Variants in HS3ST4 observed in about 807,000 individuals in gnomAD.
The protein encoded by HS3ST4 is heparan sulfate-glucosamine 3-sulfotransferase 4, also known as heparan sulfate glucosamine 3-O-sulfotransferase 4.
A neutral mutation model predicts 29.2 loss-of-function variants in HS3ST4; 17 were observed. The ratio of observed to expected loss-of-function variants is 0.58; its 90% confidence interval spans 0.40 to 0.87. The LOEUF (loss-of-function observed/expected upper bound fraction) is 0.87. Among genes scored for constraint, HS3ST4 ranks in the 40% least tolerant of loss-of-function variants. The probability of loss-of-function intolerance (pLI) is 0.00; values close to 1 mark genes in which losing one functional copy is unlikely to be tolerated. For synonymous variants in HS3ST4, 314 were observed against 285.7 expected (o/e 1.10, Z -1.00); for missense variants, 627 against 634.5 (o/e 0.99, Z 0.13).
At chr16:25,942,988 C>T (rs111585851) in intron 1 of HS3ST4, among the ~76,000 whole-genome samples, 229 of 152,230 alleles carry the variant, frequency 1.5e-3, no homozygotes, top group Middle Eastern at 3.4e-3. Context: ...TATCTTAAAA[C>T]GTTAATAAAC....
intron 1 of HS3ST4, among the ~76,000 whole-genome samples, chr16:26,053,728 T>A (rs1898373696): frequency 6.6e-6 from 1 of 152,176 alleles, no homozygotes; most frequent in South Asian, 2.1e-4. Flanking sequence ...CCAATATATA[T>A]ATAAAAAATA....
intron 1 of HS3ST4, among the ~76,000 whole-genome samples, chr16:25,909,965 A>G (rs1232426326): frequency 6.6e-6 from 1 of 152,180 alleles, no homozygotes; most frequent in East Asian, 1.9e-4. Context: ...TCCTGGGCCA[A>G]AGTGATCCTC....
chr16:26,120,953 A>G (rs572456938), intron 1 of HS3ST4, among the ~76,000 whole-genome samples: 1 of 152,376 alleles, frequency 6.6e-6, no homozygotes, highest in East Asian at 1.9e-4. Flanking sequence ...ACAATAATTA[A>G]CACGCGTACT....
intron 1 of HS3ST4, among the ~76,000 whole-genome samples, chr16:26,051,900 C>T (rs1470449437): frequency 3.1e-5 from 4 of 128,810 alleles, no homozygotes; most frequent in African/African-American, 9.0e-5. Context: ...CTCCCTCCCT[C>T]CCTCCCTCCC....
intron 1 of HS3ST4, among the ~76,000 whole-genome samples, chr16:25,892,814 G>A (rs1596605022): frequency 6.6e-6 from 1 of 152,090 alleles, no homozygotes; most frequent in East Asian, 1.9e-4. Context: ...ACTTAGTAGG[G>A]GCCCCTATGC....
intron 1 of HS3ST4, among the ~76,000 whole-genome samples, chr16:25,935,305 C>T (rs940199214): frequency 1.3e-5 from 2 of 152,148 alleles, no homozygotes; most frequent in Non-Finnish European, 1.5e-5. Context: ...ACTGATGCAC[C>T]TACATTAACT....
intron 1 of HS3ST4, among the ~76,000 whole-genome samples, 186 bp downstream of exon 1, chr16:25,693,337 G>C (rs1966271399): frequency 6.6e-6 from 1 of 152,138 alleles, no homozygotes; most frequent in Admixed American, 6.5e-5. Context: ...TCCAGCGAAA[G>C]GTCACTTTAT....
chr16:25,790,324 G>T (rs1445251536), intron 1 of HS3ST4, among the ~76,000 whole-genome samples: 2 of 152,248 alleles, frequency 1.3e-5, no homozygotes, highest in African/African-American at 4.8e-5. Flanking sequence ...CAGGAGAATT[G>T]CTTGAACCCA....
At chr16:25,832,764 A>G (rs1390866621) in intron 1 of HS3ST4, among the ~76,000 whole-genome samples, 1 of 152,254 alleles carries the variant, frequency 6.6e-6, no homozygotes, top group Non-Finnish European at 1.5e-5. Context: ...TAGAAAGGAT[A>G]TTAATATCTT....
At chr16:25,702,955 T>C (rs1355424662) in intron 1 of HS3ST4, among the ~76,000 whole-genome samples, 1 of 151,888 alleles carries the variant, frequency 6.6e-6, no homozygotes, top group African/African-American at 2.4e-5. Context: ...GGTCAAGAGA[T>C]TGAGACCATC....
chr16:25,915,366 A>C (rs1261884044), intron 1 of HS3ST4, among the ~76,000 whole-genome samples: 1 of 152,082 alleles, frequency 6.6e-6, no homozygotes, highest in African/African-American at 2.4e-5. Flanking sequence ...CCTGCTCATA[A>C]ATTCTGTTTT....
chr16:26,008,034 C>G (rs975381562), intron 1 of HS3ST4, among the ~76,000 whole-genome samples: 3 of 152,078 alleles, frequency 2.0e-5, no homozygotes, highest in African/African-American at 7.2e-5. Flanking sequence ...CTCCAATTCC[C>G]CTTTAGCTCT....
chr16:25,698,955 T>C (rs565106689), intron 1 of HS3ST4, among the ~76,000 whole-genome samples: 80 of 152,342 alleles, frequency 5.3e-4, no homozygotes, highest in African/African-American at 1.9e-3. Context: ...TTTTTCCCAA[T>C]GTGCAAGTGT....
chr16:25,751,678 G>A (rs912989344), intron 1 of HS3ST4, among the ~76,000 whole-genome samples: 1 of 152,170 alleles, frequency 6.6e-6, no homozygotes, highest in Non-Finnish European at 1.5e-5. Context: ...CTATGCTGAA[G>A]AACATCTTAG....
At chr16:25,730,970 C>T (rs1966566684) in intron 1 of HS3ST4, among the ~76,000 whole-genome samples, 1 of 152,180 alleles carries the variant, frequency 6.6e-6, no homozygotes, top group Non-Finnish European at 1.5e-5. Flanking sequence ...AGGACAAAGA[C>T]ACATACAGGG....
intron 1 of HS3ST4, among the ~76,000 whole-genome samples, chr16:25,804,512 G>C (rs966026245): frequency 6.6e-6 from 1 of 152,088 alleles, no homozygotes; most frequent in Non-Finnish European, 1.5e-5. Context: ...CAAAGTCTGT[G>C]TTTTCTATGA....
intron 1 of HS3ST4, among the ~76,000 whole-genome samples, chr16:25,937,327 C>T (rs1048062156): frequency 3.9e-5 from 6 of 152,074 alleles, no homozygotes; most frequent in Admixed American, 2.0e-4. Flanking sequence ...AACCCTAGAC[C>T]AAGTTGAACT....
At position 25,991,127 on chromosome 16, in the gene HS3ST4, A is replaced by G. The variant is rs144209880; in HGVS notation, c.735-144485A>G. Among the ~76,000 whole-genome samples the G allele has an allele frequency of 3.9e-3, 591 of 150,838 alleles. 4 individuals are homozygous for G. Among genetic ancestry groups the G allele is most frequent in the Admixed American group, 5.9e-3 (90 of 15,238 alleles). The stretch of plus-strand genomic sequence containing the variant: ...ACACCGGCCTCACCAGGACCTCAGC[A>G]TGCTCTCCAAGTCCTCTTATCATCA... On this transcript the variant is annotated intron_variant, in intron 1 of 1. Transcript: ENST00000331351.
intron 1 of HS3ST4, among the ~76,000 whole-genome samples, chr16:25,765,455 G>GT (rs1217975028): frequency 6.6e-6 from 1 of 152,158 alleles, no homozygotes; most frequent in East Asian, 1.9e-4. Flanking sequence ...TGGGATTAGG[G>GT]TACATGGACC....
Sources: allele counts gnomAD v4.1 joint callset (sites outside exome capture counted in the v4.1 genomes callset), GRCh38; gene constraint gnomAD v4.1.1; transcripts MANE v1.5; gene names NCBI Gene and HGNC (gene_info 2026-07-23, HGNC 2026-07-21).